Variants in NT5C2 observed in about 807,000 individuals in gnomAD.
The protein encoded by NT5C2 is cytosolic purine 5'-nucleotidase.
Under a neutral mutation model 76.1 loss-of-function variants are expected in NT5C2, and 58 were observed. That is an observed-to-expected ratio of 0.76 (90% CI 0.62 to 0.95). NT5C2 has a LOEUF of 0.95. Ranked by LOEUF, NT5C2 falls within the 40% of genes least tolerant of loss-of-function variation. The pLI is 0.00. For synonymous variants in NT5C2, 229 were observed against 237.4 expected (o/e 0.96, Z 0.32); for missense variants, 478 against 690.3 (o/e 0.69, Z 3.45).
intron 4 of NT5C2, among the ~76,000 whole-genome samples, chr10:103,116,559 G>C (rs2074370303): frequency 6.7e-6 from 1 of 150,298 alleles, no homozygotes; most frequent in Admixed American, 6.6e-5. Context: ...ATTAAGGGCT[G>C]CTTCAGATTT....
chr10:103,172,883 G>A (rs1018744450), intron 3 of NT5C2, among the ~76,000 whole-genome samples: 2 of 151,966 alleles, frequency 1.3e-5, no homozygotes, highest in South Asian at 2.1e-4. Context: ...AGTGGCCCAC[G>A]CCTGTACTCA....
intron 4 of NT5C2, among the ~76,000 whole-genome samples, chr10:103,127,757 T>C (rs1166664797): frequency 2.0e-5 from 3 of 152,206 alleles, no homozygotes; most frequent in Admixed American, 6.5e-5. Flanking sequence ...GGGGTTTCAC[T>C]GTGTTGGCCA....
At chr10:103,102,268 T>C (rs1159585255) in intron 6 of NT5C2, among the ~76,000 whole-genome samples, 2 of 152,144 alleles carry the variant, frequency 1.3e-5, no homozygotes, top group Admixed American at 6.5e-5. Context: ...CATGTGTGTA[T>C]TGAGGCTTAA....
At position 103,104,549 on chromosome 10, in the gene NT5C2, T is replaced by C. The variant is rs1016848153; in HGVS notation, c.389+1157A>G. 3.4e-4 allele frequency among the ~76,000 whole-genome samples: 52 copies of C among 152,238 alleles called. 1 individual carries two copies. Among genetic ancestry groups the C allele is most frequent in the African/African-American group, 1.2e-3 (51 of 41,460 alleles). On this transcript the variant is annotated intron_variant, in intron 6 of 18. Transcript: ENST00000404739. Reference sequence around the variant, plus strand: ...TGTTTCCTGATATTTTCATGGATCCTGAACAAACCCCCTCATGAAAGAAAC... The same window carrying C: ...TGTTTCCTGATATTTTCATGGATCCCGAACAAACCCCCTCATGAAAGAAAC...
chr10:103,171,091 G>T (rs150192018), intron 3 of NT5C2, among the ~76,000 whole-genome samples: 2 of 152,128 alleles, frequency 1.3e-5, no homozygotes, highest in African/African-American at 4.8e-5. Context: ...GAAGAGAATC[G>T]TTAGTACCCA....
At position 103,090,678 on chromosome 10, in the gene NT5C2, T is replaced by C. The variant is rs1260681713; in HGVS notation, c.1382A>G (p.Tyr461Cys). The C allele has an allele frequency of 2.5e-6, 4 of 1,614,114 alleles. No individual in the cohort carries two copies. Among genetic ancestry groups the C allele is most frequent in the Non-Finnish European group, 2.5e-6 (3 of 1,180,016 alleles). The part of the protein sequence containing the change: ...ASQVMRYADL[Y>C]AASFINLLYY... ...CAGCAGGTTGATGAAAGATGCTGCA[T>C]AGAGGTCAGCATAACGCATCACTTG... Residue 461 changes from tyrosine (Y) to cysteine (C), a missense_variant, in exon 18 of 19, where the codon TAT becomes TGT. Tyr to Cys is a radical substitution (Grantham distance 194). Coordinates refer to ENST00000404739, the MANE Select transcript of NT5C2 (RefSeq NM_001351169.2).
chr10:103,092,360 G>A (rs949987651), intron 15 of NT5C2, among the ~76,000 whole-genome samples: 1 of 152,162 alleles, frequency 6.6e-6, no homozygotes, highest in Non-Finnish European at 1.5e-5. Flanking sequence ...AGGCTGTCAT[G>A]TCTATCTTTA....
At chr10:103,131,313 A>G (rs959229151) in intron 4 of NT5C2, among the ~76,000 whole-genome samples, 6 of 152,238 alleles carry the variant, frequency 3.9e-5, no homozygotes, top group Non-Finnish European at 7.3e-5. Context: ...TTCATAGATT[A>G]TGCTAGACAG....
chr10:103,147,491 T>C (rs1488917346), intron 3 of NT5C2, among the ~76,000 whole-genome samples: 1 of 152,244 alleles, frequency 6.6e-6, no homozygotes, highest in African/African-American at 2.4e-5. Context: ...CACAGAACTA[T>C]GTGACAGTAA....
intron 4 of NT5C2, among the ~76,000 whole-genome samples, chr10:103,133,857 A>G (rs2078697839): frequency 6.6e-6 from 1 of 152,182 alleles, no homozygotes; most frequent in African/African-American, 2.4e-5. Flanking sequence ...GTGGTCTCAG[A>G]TGGAAATGAG....
rs571866904 is a variant in NT5C2, at chr10:103,109,640, TG to T, written c.176-2935del. ...TAATTTTTTCAGAAGGACAATTTGC[TG>T]GATATGCCTTAAGAGTGGGAGACAA... On this transcript the variant is annotated intron_variant, in intron 4 of 18. Coordinates refer to ENST00000404739, the MANE Select transcript of NT5C2 (RefSeq NM_001351169.2). 2.6e-5 allele frequency among the ~76,000 whole-genome samples: 4 copies of T among 152,342 alleles called. No homozygotes were observed. The South Asian group carries it at 8.3e-4, about 32-fold the overall frequency.
chr10:103,111,361 G>C (rs1447121144), intron 4 of NT5C2, among the ~76,000 whole-genome samples: 3 of 152,188 alleles, frequency 2.0e-5, no homozygotes, highest in Non-Finnish European at 2.9e-5. Context: ...AGCACACAGT[G>C]TTCTCAGGTT....
chr10:103,090,180 A>AGAT (rs1245741441), intron 18 of NT5C2: 2 of 404,624 alleles, frequency 4.9e-6, no homozygotes, highest in Non-Finnish European at 8.8e-6. Context: ...AGCAAAAACA[A>AGAT]GATAGTCCTG....
At chr10:103,116,724 C>T (rs957722326) in intron 4 of NT5C2, among the ~76,000 whole-genome samples, 42 of 151,428 alleles carry the variant, frequency 2.8e-4, no homozygotes, top group Admixed American at 2.8e-3. Flanking sequence ...TACCAACATC[C>T]ACCACCACAC....
At chr10:103,185,667 A>G (rs1027097242) in intron 1 of NT5C2, among the ~76,000 whole-genome samples, 2 of 145,780 alleles carry the variant, frequency 1.4e-5, no homozygotes, top group African/African-American at 5.2e-5. Context: ...AAAAAAAGGA[A>G]AAAAAAAAAA....
chr10:103,148,794 T>C (rs139682170), intron 3 of NT5C2, among the ~76,000 whole-genome samples: 1 of 152,204 alleles, frequency 6.6e-6, no homozygotes, highest in East Asian at 1.9e-4. Context: ...TATGGAGACA[T>C]ACATGGAACA....
At chr10:103,169,519 TGA>T (rs2087287703) in intron 3 of NT5C2, 1 of 152,222 alleles carries the variant, frequency 6.6e-6, no homozygotes, top group Non-Finnish European at 1.5e-5. Context: ...TTCAGGAGGC[TGA>T]GACAGGAGAA....
chr10:103,094,743 G>A (rs1446934539), intron 12 of NT5C2, among the ~76,000 whole-genome samples: 5 of 152,038 alleles, frequency 3.3e-5, no homozygotes, highest in East Asian at 1.9e-4. Context: ...TTAGCCGGGC[G>A]TGGTGGCGGG....
In NT5C2 at chr10:103,159,559, G is replaced by A. The variant is rs75883527; in HGVS notation, c.101+15299C>T. On this transcript the variant is annotated intron_variant, in intron 3 of 18. Coordinates refer to ENST00000404739, the MANE Select transcript of NT5C2 (RefSeq NM_001351169.2). ...AGCTACTTGAGAAGCTGAGGTGGGAGAATCACGTGAAGCCAGGAGTTCAGG... is the reference window on the plus strand; with the variant it reads ...AGCTACTTGAGAAGCTGAGGTGGGAAAATCACGTGAAGCCAGGAGTTCAGG... Among the ~76,000 whole-genome samples the A allele has an allele frequency of 4.1e-3, 620 of 151,444 alleles. 20 individuals are homozygous for A. In the East Asian group the frequency reaches 0.073, roughly 18 times the overall value.
Sources: gnomAD v4.1 joint callset for allele counts (sites outside exome capture counted in the v4.1 genomes callset) on GRCh38, gnomAD v4.1.1 for gene constraint, MANE v1.5 for transcripts, NCBI Gene and HGNC (gene_info 2026-07-23, HGNC 2026-07-21) for gene names.